CCDC171: variants seen among roughly 807,000 people sequenced by gnomAD.
CCDC171 encodes coiled-coil domain containing 171.
Under a neutral mutation model 168.2 loss-of-function variants are expected in CCDC171, and 177 were observed. That is an observed-to-expected ratio of 1.05 (90% CI 0.93 to 1.19). CCDC171 has a LOEUF of 1.19. CCDC171 is among the 50% of genes most tolerant of loss of function. The pLI is 0.00. For missense variants in CCDC171, 1,991 were observed against 1,539.0 expected (o/e 1.29, Z -4.91); for synonymous variants, 687 against 540.8 (o/e 1.27, Z -3.75).
intron 6 of CCDC171, among the ~76,000 whole-genome samples, chr9:15,612,667 C>A (rs897871412): frequency 2.0e-4 from 31 of 151,998 alleles, no homozygotes; most frequent in Non-Finnish European, 2.9e-4. Flanking sequence ...GGGCACATTG[C>A]CTTTTGTGTG....
At chr9:15,917,639 A>G (rs1824704942) in intron 24 of CCDC171, among the ~76,000 whole-genome samples, 1 of 151,788 alleles carries the variant, frequency 6.6e-6, no homozygotes, top group Non-Finnish European at 1.5e-5. Flanking sequence ...TTGAAGGAAT[A>G]TCATTTATAT....
chr9:15,627,596 A>T (rs971424824), intron 7 of CCDC171, among the ~76,000 whole-genome samples: 3 of 152,152 alleles, frequency 2.0e-5, no homozygotes, highest in Non-Finnish European at 4.4e-5. Context: ...ATTCAGGAGC[A>T]GGTTGTTCAG....
At chr9:16,076,777 G>A in the CCDC171 span, among the ~76,000 whole-genome samples, 1 of 152,184 alleles carries the variant, frequency 6.6e-6, no homozygotes, top group African/African-American at 2.4e-5. Context: ...TCTGGTTAAT[G>A]GCTCTGAAAA....
intron 6 of CCDC171, among the ~76,000 whole-genome samples, chr9:16,026,237 C>G (rs1293634906): frequency 6.6e-6 from 1 of 152,104 alleles, no homozygotes; most frequent in Non-Finnish European, 1.5e-5. Context: ...CACACCAGAG[C>G]CAGGGTCTCA....
At chr9:15,732,961 C>T (rs1172228756) in intron 16 of CCDC171, among the ~76,000 whole-genome samples, 2 of 152,098 alleles carry the variant, frequency 1.3e-5, no homozygotes, top group Non-Finnish European at 2.9e-5. Context: ...TGCACCTGTG[C>T]CAACATATGA....
intron 3 of CCDC171, among the ~76,000 whole-genome samples, chr9:15,578,007 C>T (rs531272185): frequency 5.9e-5 from 9 of 152,142 alleles, no homozygotes; most frequent in African/African-American, 2.2e-4. Flanking sequence ...ATTCGATATT[C>T]GTTCATTTAA....
intron 8 of CCDC171, chr9:16,036,344 G>A (rs1833467462): frequency 6.6e-6 from 1 of 152,248 alleles, no homozygotes; most frequent in Non-Finnish European, 1.5e-5. Flanking sequence ...AGCACAGAGA[G>A]ACAAAAAAGA....
chr9:16,028,806 C>G (rs1279423455), intron 6 of CCDC171, among the ~76,000 whole-genome samples: 1 of 152,190 alleles, frequency 6.6e-6, no homozygotes, highest in Non-Finnish European at 1.5e-5. Flanking sequence ...GGCAGGGATG[C>G]TAGGCATGGG....
chr9:15,821,519 C>T lies in CCDC171; in HGVS notation c.3268-25183C>T, dbSNP rs1481843996. On this transcript the variant is annotated intron_variant, in intron 21 of 25. Coordinates refer to ENST00000380701, the MANE Select transcript of CCDC171 (RefSeq NM_173550.4). ...GGATACAAAATCAATGTGCAAAAGT[C>T]ACAAGCATTCTTATACACCAATAAC... 2.6e-5 allele frequency among the ~76,000 whole-genome samples: 3 copies of T among 117,588 alleles called. 1 individual carries two copies. The highest frequency in any genetic ancestry group is 5.7e-5 in the Non-Finnish European group (3 of 52,362). The allele number at this position is 117,588 out of a possible 152,430, so 77.1% of individuals were successfully genotyped here.
intron 11 of CCDC171, among the ~76,000 whole-genome samples, chr9:15,696,497 G>A (rs960933041): frequency 6.6e-6 from 1 of 152,178 alleles, no homozygotes; most frequent in African/African-American, 2.4e-5. Context: ...TGTCATAAAA[G>A]TAGGTGCAGG....
chr9:16,008,360 C>T (rs1832767358), intron 3 of CCDC171, among the ~76,000 whole-genome samples: 1 of 152,192 alleles, frequency 6.6e-6, no homozygotes, highest in Non-Finnish European at 1.5e-5. Flanking sequence ...ATGGTTGTGG[C>T]ACCATACTAG....
At chr9:15,855,812 T>C (rs1363013538) in intron 23 of CCDC171, among the ~76,000 whole-genome samples, 1 of 151,950 alleles carries the variant, frequency 6.6e-6, no homozygotes, top group African/African-American at 2.4e-5. Flanking sequence ...TTAAAAAATT[T>C]TGCTCTTAAA....
At chr9:15,594,210 T>G in intron 6 of CCDC171, 38 bp downstream of exon 6, 2 of 1,094,590 alleles carry the variant, frequency 1.8e-6, no homozygotes, top group Non-Finnish European at 2.7e-6. Flanking sequence ...ATATATATTT[T>G]TAATGCTTAT....
At chr9:15,851,401 G>T (rs561967873) in intron 23 of CCDC171, among the ~76,000 whole-genome samples, 2 of 142,826 alleles carry the variant, frequency 1.4e-5, no homozygotes, top group African/African-American at 2.6e-5. Flanking sequence ...TTTAATGTAG[G>T]TCAGAAGTTA....
At chr9:15,857,388 G>T (rs2061385359) in intron 23 of CCDC171, among the ~76,000 whole-genome samples, 1 of 151,788 alleles carries the variant, frequency 6.6e-6, no homozygotes, top group African/African-American at 2.4e-5. Flanking sequence ...TTAATCCATT[G>T]TAAATAGATT....
In CCDC171 at chr9:15,744,667, A is replaced by T; in HGVS notation, c.2444A>T (p.Lys815Met). 4 of 1,614,212 alleles carry T rather than the reference A, an allele frequency of 2.5e-6. No individual in the cohort carries two copies. The African/African-American group carries it at 4.0e-5, about 16-fold the overall frequency. Residue 815 changes from lysine to methionine, a missense_variant, in exon 17 of 26, where the codon AAG becomes ATG. Transcript: ENST00000380701. Reference sequence around the variant, plus strand: ...GCTGTTTTGGCAGCAAACAGACTCAAGATTTTGGGCCAATCATGTGCCTCT... The same window carrying T: ...GCTGTTTTGGCAGCAAACAGACTCATGATTTTGGGCCAATCATGTGCCTCT... Reference protein sequence around the residue: ...VIAVLAANRLKILGQSCASLF... With the variant: ...VIAVLAANRLMILGQSCASLF...
intron 24 of CCDC171, among the ~76,000 whole-genome samples, chr9:15,902,389 T>A (rs965504181): frequency 1.3e-5 from 2 of 152,144 alleles, no homozygotes; most frequent in Admixed American, 6.6e-5. Context: ...AGGTTTTTGT[T>A]AAAGAATAAT....
chr9:15,933,489 T>C (rs1826761103), intron 25 of CCDC171, among the ~76,000 whole-genome samples: 1 of 152,034 alleles, frequency 6.6e-6, no homozygotes. Context: ...TAAATTATTT[T>C]TCTTAGTCTC....
chr9:15,642,380 TATATG>T (rs2046708738), intron 7 of CCDC171, among the ~76,000 whole-genome samples: 1 of 118,842 alleles, frequency 8.4e-6, no homozygotes, highest in Non-Finnish European at 1.8e-5. Flanking sequence ...TATATATATA[TATATG>T]CATTTTAACC....
Sources: gnomAD v4.1 joint callset for allele counts (sites outside exome capture counted in the v4.1 genomes callset) on GRCh38, gnomAD v4.1.1 for gene constraint, MANE v1.5 for transcripts, NCBI Gene and HGNC (gene_info 2026-07-23, HGNC 2026-07-21) for gene names.